Variants in WTAP observed in about 807,000 individuals in gnomAD.
WTAP encodes pre-mRNA-splicing regulator WTAP.
Under a neutral mutation model 50.0 loss-of-function variants are expected in WTAP, and 8 were observed. The ratio of observed to expected loss-of-function variants is 0.16; its 90% CI spans 0.09 to 0.29. WTAP has a LOEUF of 0.29. Ranked by LOEUF, WTAP falls within the 10% of genes least tolerant of loss-of-function variation. The pLI is 1.00. For synonymous variants in WTAP, 194 were observed against 169.0 expected, an observed-to-expected ratio of 1.15 and a Z score of -1.15; for missense variants, 295 against 470.7, an observed-to-expected ratio of 0.63 and a Z score of 3.45.
upstream of WTAP, chr6:159,726,763 G>A (rs1420451179): frequency 7.8e-7 from 1 of 1,288,428 alleles, no homozygotes; most frequent in Admixed American, 2.3e-5. Flanking sequence ...CTCCAGAGAT[G>A]TCAAGGAGGA....
upstream of WTAP, chr6:159,727,117 C>A: frequency 8.4e-7 from 1 of 1,194,196 alleles, no homozygotes; most frequent in Non-Finnish European, 1.1e-6. Flanking sequence ...TCCCCTCGGC[C>A]GCTTCCCTTA....
At chr6:159,732,442 A>C (rs1778630730) in intron 1 of WTAP, among the ~76,000 whole-genome samples, 1 of 152,210 alleles carries the variant, frequency 6.6e-6, no homozygotes, top group African/African-American at 2.4e-5. Context: ...GTTGGTTCTC[A>C]AAATTTTATG....
chr6:159,729,390 C>T (rs1778426498), intron 1 of WTAP, among the ~76,000 whole-genome samples: 1 of 152,136 alleles, frequency 6.6e-6, no homozygotes, highest in South Asian at 2.1e-4. Flanking sequence ...CACAGAAAAA[C>T]TTTTCAGTAT....
intron 1 of WTAP, among the ~76,000 whole-genome samples, chr6:159,735,521 C>T (rs1026339339): frequency 5.3e-5 from 8 of 152,106 alleles, no homozygotes; most frequent in Non-Finnish European, 1.2e-4. Flanking sequence ...GAGGCCAAGG[C>T]GGACGGGTTG....
chr6:159,740,735 C>T (rs1262788935), intron 3 of WTAP, among the ~76,000 whole-genome samples: 5 of 145,060 alleles, frequency 3.4e-5, no homozygotes, highest in African/African-American at 7.7e-5. Flanking sequence ...GACAGAGTCT[C>T]GCTCTGTCAC....
chr6:159,727,733 C>T, intron 1 of WTAP, 30 bp downstream of exon 1: 3 of 985,216 alleles, frequency 3.0e-6, no homozygotes, highest in Non-Finnish European at 2.4e-6. Flanking sequence ...CGGGAGCGGA[C>T]GCGGGGGACC....
intron 6 of WTAP, 121 bp from the exon 7 acceptor site, chr6:159,753,339 G>T: frequency 7.5e-7 from 1 of 1,342,038 alleles, no homozygotes; most frequent in East Asian, 2.4e-5. Flanking sequence ...TGGTAATTAT[G>T]GGGAAGCATC....
At chr6:159,727,447 G>GGGGCA, upstream of WTAP, 1 of 1,093,434 alleles carries the variant, frequency 9.1e-7, no homozygotes, top group Non-Finnish European at 1.1e-6. Context: ...GCTGTGGGGC[G>GGGGCA]GGGCAGGGCG....
Position 159,736,372 on chromosome 6 carries a change from T to TA in WTAP, c.30+78dup, listed in dbSNP as rs946463755. The TA allele has an allele frequency of 6.1e-6, 7 of 1,152,564 alleles. No homozygotes were observed. The African/African-American group carries it at 1.1e-4, about 18-fold the overall frequency. 71.4% of individuals were successfully genotyped at this position (1,152,564 alleles called of 1,614,324 possible). On this transcript the variant is annotated intron_variant, in intron 2 of 7. Transcript: ENST00000621533. ...CTTTTTTAAGCACTTTAAAAAAAAA[T>TA]AGACTTGAAGGGATTATCGTTGTTT...
intron 6 of WTAP, among the ~76,000 whole-genome samples, chr6:159,750,994 T>C (rs1779799240): frequency 6.6e-6 from 1 of 152,280 alleles, no homozygotes; most frequent in Admixed American, 6.5e-5. Flanking sequence ...AGTTAAAATA[T>C]TTCATTCATG....
chr6:159,754,896 TGTA>T lies in WTAP; in HGVS notation c.608-129_608-127del, dbSNP rs1027703748. On this transcript the variant is annotated intron_variant, in intron 7 of 7. Coordinates refer to ENST00000621533, the MANE Select transcript of WTAP (RefSeq NM_001270531.2). ...TAAGATTCCAAGCAAAATTTTTAAA[TGTA>T]GTGTGATTTTAGAATTGTATTTGTT... 37 of 994,160 alleles carry T rather than the reference TGTA, an allele frequency of 3.7e-5. No individual in the cohort carries two copies. The African/African-American group carries it at 5.9e-4, about 16-fold the overall frequency. 61.6% of individuals were successfully genotyped at this position (994,160 alleles called of 1,614,324 possible). A position where few individuals can be genotyped will look rare whatever the true frequency, so the allele number is the denominator to read the frequency against.
At chr6:159,735,201 C>T (rs185182125) in intron 1 of WTAP, among the ~76,000 whole-genome samples, 5 of 152,290 alleles carry the variant, frequency 3.3e-5, no homozygotes, top group East Asian at 3.9e-4. Context: ...TGCAGTGGCG[C>T]GCCATCTCGG....
rs954356666 is a variant in WTAP, at chr6:159,748,815, G to A, written c.452+446G>A. 5.7e-6 allele frequency: 7 copies of A among 1,230,692 alleles called. No individual in the cohort carries two copies. The South Asian group carries it at 2.5e-4, about 44-fold the overall frequency. The allele number at this position is 1,230,692 out of a possible 1,614,324, so 76.2% of individuals were successfully genotyped here. A position where few individuals can be genotyped will look rare whatever the true frequency, so the allele number is the denominator to read the frequency against. On this transcript the variant is annotated intron_variant, in intron 6 of 7. Transcript: ENST00000621533. This position sits in a 1 kb window ranked among gnomAD's most constrained non-coding sequence, Gnocchi z 5.6. The stretch of plus-strand genomic sequence containing the variant: ...TAAAATTCCAGTAAAATGTAAAAAC[G>A]GAATATGCATCGCTCTTAACCTTGA...
upstream of WTAP, chr6:159,727,201 G>C (rs1778222690): frequency 8.1e-7 from 1 of 1,238,886 alleles, no homozygotes; most frequent in South Asian, 1.3e-5. Flanking sequence ...TGTTACCGGG[G>C]AGCAGCTGCT....
intron 1 of WTAP, among the ~76,000 whole-genome samples, chr6:159,729,047 T>C (rs1270295189): frequency 6.6e-6 from 1 of 152,222 alleles, no homozygotes; most frequent in Non-Finnish European, 1.5e-5. Flanking sequence ...TGTGTATTGT[T>C]TGTCAGAAAT....
At chr6:159,734,761 C>G (rs954920632) in intron 1 of WTAP, among the ~76,000 whole-genome samples, 10 of 152,212 alleles carry the variant, frequency 6.6e-5, no homozygotes, top group Non-Finnish European at 8.8e-5. Context: ...CACTGGTACT[C>G]AGAACCCTGA....
At chr6:159,728,136 T>A (rs1253955550) in intron 1 of WTAP, among the ~76,000 whole-genome samples, 1 of 152,250 alleles carries the variant, frequency 6.6e-6, no homozygotes, top group Non-Finnish European at 1.5e-5. Flanking sequence ...TGTCACGCAG[T>A]AGGATGTTAC....
intron 2 of WTAP, 161 bp downstream of exon 2, chr6:159,736,456 C>G (rs995576971): frequency 1.4e-5 from 8 of 570,194 alleles, no homozygotes; most frequent in African/African-American, 5.6e-5. Context: ...GTACAGTGTG[C>G]CAGATATTGT....
chr6:159,753,657 A>C (rs529350002), intron 7 of WTAP, 43 bp downstream of exon 7: 1 of 1,564,418 alleles, frequency 6.4e-7, no homozygotes, highest in Admixed American at 1.9e-5. Flanking sequence ...TCAACTTTGC[A>C]TTGGCTTTTT....
Sources: gnomAD v4.1 joint callset for allele counts (sites outside exome capture counted in the v4.1 genomes callset) on GRCh38, gnomAD v4.1.1 for gene constraint, Gnocchi (gnomAD v3.1) non-coding constraint, MANE v1.5 for transcripts, NCBI Gene and HGNC (gene_info 2026-07-23, HGNC 2026-07-21) for gene names.